The following CTNND2 variants were observed in gnomAD, a reference collection of about 807,000 sequenced individuals.
CTNND2 encodes the protein catenin delta 2.
CTNND2 carries 22 observed loss-of-function variants against 144.4 expected under a neutral mutation model. The ratio of observed to expected loss-of-function variants is 0.15; its 90% CI spans 0.11 to 0.22. The LOEUF (loss-of-function observed/expected upper bound fraction) is 0.22, where lower values mean the gene tolerates loss of function less well. Among genes scored for constraint, CTNND2 ranks in the 10% least tolerant of loss-of-function variants. CTNND2 has a pLI of 1.00. For missense variants in CTNND2, 1,353 were observed against 1,618.8 expected (o/e 0.84, Z 2.82); for synonymous variants, 751 against 695.6 (o/e 1.08, Z -1.25).
chr5:11,130,416 C>T (rs887240393), intron 12 of CTNND2, among the ~76,000 whole-genome samples: 1 of 152,130 alleles, frequency 6.6e-6, no homozygotes, highest in Non-Finnish European at 1.5e-5. Flanking sequence ...AAGCCCAGAG[C>T]GGAACCAGAA....
At chr5:11,260,038 T>A (rs1464985892) in intron 9 of CTNND2, among the ~76,000 whole-genome samples, 3 of 152,198 alleles carry the variant, frequency 2.0e-5, no homozygotes, top group Non-Finnish European at 4.4e-5. Flanking sequence ...GCTCTGCATA[T>A]GGTGAGTGAA....
At chr5:11,769,380 C>T (rs1789786885) in intron 1 of CTNND2, among the ~76,000 whole-genome samples, 2 of 152,164 alleles carry the variant, frequency 1.3e-5, no homozygotes, top group African/African-American at 4.8e-5. Context: ...AGCATATCAG[C>T]AGAAGGCAAT....
chr5:11,223,540 C>T (rs142389580), intron 10 of CTNND2, among the ~76,000 whole-genome samples: 84 of 152,290 alleles, frequency 5.5e-4, no homozygotes, highest in African/African-American at 1.9e-3. Flanking sequence ...GATCATCAAA[C>T]CAGTGAGGTC....
intron 3 of CTNND2, among the ~76,000 whole-genome samples, chr5:11,443,304 GTGTGT>G (rs1764476491): frequency 1.1e-5 from 1 of 94,620 alleles, no homozygotes; most frequent in African/African-American, 4.3e-5. Context: ...GTGTGTGCAT[GTGTGT>G]GGTGTGTGTG....
intron 2 of CTNND2, among the ~76,000 whole-genome samples, chr5:11,648,312 G>A (rs1443437500): frequency 6.6e-6 from 1 of 151,808 alleles, no homozygotes; most frequent in Non-Finnish European, 1.5e-5. Flanking sequence ...AGGCTACTTG[G>A]TCCTGCCCTG....
intron 16 of CTNND2, among the ~76,000 whole-genome samples, chr5:11,071,688 G>C (rs986910594): frequency 5.9e-5 from 9 of 152,074 alleles, no homozygotes; most frequent in South Asian, 2.1e-4. Context: ...GATGTGGGAG[G>C]GGGGAGTGCA....
At chr5:11,748,045 C>A (rs1336905016) in intron 1 of CTNND2, among the ~76,000 whole-genome samples, 1 of 152,100 alleles carries the variant, frequency 6.6e-6, no homozygotes, top group African/African-American at 2.4e-5. Flanking sequence ...CTGCACTCAG[C>A]CCATATGTTT....
intron 9 of CTNND2, among the ~76,000 whole-genome samples, chr5:11,332,261 G>A (rs1753240371): frequency 6.9e-6 from 1 of 145,202 alleles, no homozygotes; most frequent in Non-Finnish European, 1.5e-5. Context: ...GGCAACAAGA[G>A]CTAAACTCCG....
intron 3 of CTNND2, among the ~76,000 whole-genome samples, chr5:11,525,042 C>G (rs1366039602): frequency 1.3e-5 from 2 of 152,190 alleles, no homozygotes; most frequent in African/African-American, 2.4e-5. Context: ...AGCAGGCTGT[C>G]TGAAGAAGCC....
intron 3 of CTNND2, among the ~76,000 whole-genome samples, chr5:11,430,990 G>T (rs564362706): frequency 6.6e-6 from 1 of 152,246 alleles, no homozygotes; most frequent in South Asian, 2.1e-4. Flanking sequence ...AATCTTTAAA[G>T]GATATCATAA....
intron 18 of CTNND2, among the ~76,000 whole-genome samples, chr5:10,997,357 G>A (rs1739460618): frequency 1.3e-5 from 2 of 152,270 alleles, no homozygotes; most frequent in South Asian, 4.1e-4. Context: ...ACTTTGGGAG[G>A]CCGAGGCGGG....
intron 3 of CTNND2, among the ~76,000 whole-genome samples, chr5:11,471,801 C>G (rs1767259410): frequency 6.6e-6 from 1 of 152,162 alleles, no homozygotes; most frequent in African/African-American, 2.4e-5. Flanking sequence ...GAATAAATAT[C>G]ACTCTCCAGA....
intron 2 of CTNND2, among the ~76,000 whole-genome samples, chr5:11,569,176 G>A (rs1777361137): frequency 6.6e-6 from 1 of 152,156 alleles, no homozygotes; most frequent in Non-Finnish European, 1.5e-5. Flanking sequence ...GAGACATTAA[G>A]ATTTCATGGG....
intron 16 of CTNND2, among the ~76,000 whole-genome samples, chr5:11,079,898 T>A (rs551653848): frequency 6.6e-6 from 1 of 152,288 alleles, no homozygotes; most frequent in Non-Finnish European, 1.5e-5. Context: ...GGAAAAGCTA[T>A]ACGACACTGG....
At chr5:11,768,871 A>G (rs1789752179) in intron 1 of CTNND2, among the ~76,000 whole-genome samples, 1 of 152,166 alleles carries the variant, frequency 6.6e-6, no homozygotes, top group South Asian at 2.1e-4. Flanking sequence ...GAATTCAGTG[A>G]CGAAATATTG....
chr5:11,828,714 G>A (rs1159994200), intron 1 of CTNND2, among the ~76,000 whole-genome samples: 1 of 152,126 alleles, frequency 6.6e-6, no homozygotes, highest in African/African-American at 2.4e-5. Flanking sequence ...TCTCACATAT[G>A]TCTTTATCAG....
intron 1 of CTNND2, among the ~76,000 whole-genome samples, chr5:11,875,574 C>A (rs1010794922): frequency 1.3e-5 from 2 of 152,140 alleles, no homozygotes; most frequent in South Asian, 2.1e-4. Flanking sequence ...GAGGGTTGGG[C>A]CCTCATGATG....
rs558952337 is a variant in CTNND2, at chr5:11,525,582, C to G, written c.287+39362G>C. Among the ~76,000 whole-genome samples the G allele has an allele frequency of 4.5e-4, 69 of 152,310 alleles. 1 individual carries two copies. Among genetic ancestry groups the G allele is most frequent in the Middle Eastern group, 6.8e-3 (2 of 294 alleles). On this transcript the variant is annotated intron_variant, in intron 3 of 21. Coordinates refer to ENST00000304623, the MANE Select transcript of CTNND2 (RefSeq NM_001332.4). ...GAACAGCAGTACTGTGAACCACACA[C>G]AGTTAAAAAGCGTTCATTGTCCAAC... is the stretch of plus-strand genomic sequence containing the variant.
At chr5:11,430,422 TA>T (rs5865939) in intron 3 of CTNND2, among the ~76,000 whole-genome samples, 26,439 of 126,926 alleles carry the variant, frequency 0.21, 4,749 homozygotes, top group African/African-American at 0.53. Flanking sequence ...ATGACTTGAT[TA>T]AAAAAAAAAA....
Sources: gnomAD v4.1 joint callset for allele counts (sites outside exome capture counted in the v4.1 genomes callset) on GRCh38, gnomAD v4.1.1 for gene constraint, MANE v1.5 for transcripts, NCBI Gene and HGNC (gene_info 2026-07-23, HGNC 2026-07-21) for gene names.